The following CFAP299 variants were observed in gnomAD, a reference collection of about 807,000 sequenced individuals.
The protein encoded by CFAP299 is cilia and flagella associated protein 299, also known as cilia- and flagella-associated protein 299.
CFAP299 carries 21 observed loss-of-function variants against 27.0 expected under a neutral mutation model. The observed-to-expected ratio is 0.78, with a 90% CI of 0.55 to 1.12. The LOEUF (loss-of-function observed/expected upper bound fraction) is 1.12, where lower values mean the gene tolerates loss of function less well. Ranked by LOEUF, CFAP299 falls within the 50% of genes most tolerant of loss-of-function variation. The probability of loss-of-function intolerance (pLI) is 0.00; values close to 1 mark genes in which losing one functional copy is unlikely to be tolerated. For missense variants in CFAP299, 310 were observed against 276.6 expected (o/e 1.12, Z -0.86); for synonymous variants, 104 against 98.1 (o/e 1.06, Z -0.36).
At chr4:80,860,393 C>G (rs1732245772) in intron 3 of CFAP299, among the ~76,000 whole-genome samples, 1 of 152,120 alleles carries the variant, frequency 6.6e-6, no homozygotes, top group Non-Finnish European at 1.5e-5. Context: ...TGTCTGAGGC[C>G]TTCTTCTCTC....
chr4:80,598,754 T>G lies in CFAP299; in HGVS notation c.333+15571T>G, dbSNP rs193067818. On this transcript the variant is annotated intron_variant, in intron 3 of 5. Transcript: ENST00000358105. ...GAGGCCTTCCTCCTCTAGGTGACAT[T>G]GCTCCTAACTGCAAATCGTGTTTAA... 2.1e-3 allele frequency among the ~76,000 whole-genome samples: 319 copies of G among 152,298 alleles called. 2 individuals carry two copies. Among genetic ancestry groups the G allele is most frequent in the Non-Finnish European group, 8.1e-4 (55 of 68,008 alleles).
chr4:80,365,208 C>A, intron 2 of CFAP299, among the ~76,000 whole-genome samples: 1 of 152,160 alleles, frequency 6.6e-6, no homozygotes, highest in Non-Finnish European at 1.5e-5. Flanking sequence ...TACACTCCCA[C>A]CAACAGTGTA....
At position 80,403,524 on chromosome 4, in the gene CFAP299, G is replaced by A. The variant is rs1726265298; in HGVS notation, c.242+40640G>A. On this transcript the variant is annotated intron_variant, in intron 2 of 5. Coordinates refer to ENST00000358105, the MANE Select transcript of CFAP299 (RefSeq NM_152770.3). ...CTCCTAACACAGGCCCTTTGCATTT[G>A]CTATTCTTTCTGCTTGAAAAGCTCT... Among the ~76,000 whole-genome samples, 5 of 152,100 alleles carry A rather than the reference G, an allele frequency of 3.3e-5. No homozygotes were observed. The South Asian group carries it at 8.3e-4, about 25-fold the overall frequency.
intron 3 of CFAP299, among the ~76,000 whole-genome samples, chr4:80,848,068 G>A (rs968145261): frequency 6.6e-6 from 1 of 151,966 alleles, no homozygotes; most frequent in Non-Finnish European, 1.5e-5. Flanking sequence ...AAAATTAGCT[G>A]AGTGTGGTGG....
At chr4:80,782,597 A>G (rs1726953981) in intron 3 of CFAP299, among the ~76,000 whole-genome samples, 1 of 129,966 alleles carries the variant, frequency 7.7e-6, no homozygotes, top group Non-Finnish European at 1.7e-5. Context: ...ATATTCATAT[A>G]TAATATACAT....
intron 2 of CFAP299, among the ~76,000 whole-genome samples, chr4:80,378,289 A>G (rs1339020865): frequency 6.6e-6 from 1 of 152,144 alleles, no homozygotes; most frequent in Non-Finnish European, 1.5e-5. Context: ...TTCATCATGC[A>G]ACTTTCTTAA....
intron 3 of CFAP299, among the ~76,000 whole-genome samples, chr4:80,694,240 T>G (rs758982165): frequency 2.6e-5 from 4 of 152,142 alleles, no homozygotes; most frequent in Non-Finnish European, 4.4e-5. Flanking sequence ...CATTTCACCC[T>G]TTGAGGTCAG....
At chr4:80,915,610 C>T (rs1292208888) in intron 4 of CFAP299, among the ~76,000 whole-genome samples, 1 of 151,850 alleles carries the variant, frequency 6.6e-6, no homozygotes, top group South Asian at 2.1e-4. Flanking sequence ...CCCTCTCTAC[C>T]ACTCTCCCAG....
intron 2 of CFAP299, among the ~76,000 whole-genome samples, chr4:80,581,349 A>G (rs1027524932): frequency 6.0e-5 from 9 of 150,676 alleles, no homozygotes; most frequent in Non-Finnish European, 1.2e-4. Context: ...AATTAAAGAA[A>G]TTCTCAAATA....
At chr4:80,327,062 A>T in the CFAP299 span, among the ~76,000 whole-genome samples, 3 of 152,184 alleles carry the variant, frequency 2.0e-5, no homozygotes, top group Admixed American at 6.5e-5. Flanking sequence ...TAGAGTCTGC[A>T]TTCCAACAAA....
intron 2 of CFAP299, among the ~76,000 whole-genome samples, chr4:80,500,982 G>A (rs888769737): frequency 4.6e-5 from 7 of 152,036 alleles, no homozygotes; most frequent in Admixed American, 6.6e-5. Flanking sequence ...TAAACAAAAC[G>A]TGGATAAGTA....
intron 3 of CFAP299, among the ~76,000 whole-genome samples, chr4:80,646,165 A>G (rs1560675176): frequency 6.6e-6 from 1 of 152,206 alleles, no homozygotes; most frequent in Non-Finnish European, 1.5e-5. Context: ...AGTGTCTGTC[A>G]TCTTGCTCTG....
chr4:80,563,459 G>T (rs1601510), intron 2 of CFAP299, among the ~76,000 whole-genome samples: 12,011 of 152,050 alleles, frequency 0.079, 708 homozygotes, highest in East Asian at 0.26. Flanking sequence ...GTTGGTCAAT[G>T]AAGAAATTAA....
intron 2 of CFAP299, among the ~76,000 whole-genome samples, chr4:80,425,866 A>C (rs1389536645): frequency 6.6e-6 from 1 of 152,228 alleles, no homozygotes; most frequent in Non-Finnish European, 1.5e-5. Context: ...AGTCTTGTGT[A>C]AAAATAGCAG....
chr4:80,739,778 ATCTCTTTCTCTCCTC>A (rs1724145024), intron 3 of CFAP299, among the ~76,000 whole-genome samples: 1 of 150,240 alleles, frequency 6.7e-6, no homozygotes, highest in African/African-American at 2.4e-5. Flanking sequence ...TTCTACCCCT[ATCTCTTTCTCTCCTC>A]ATTAAGGCCA....
At chr4:80,609,438 A>T (rs1737850274) in intron 3 of CFAP299, among the ~76,000 whole-genome samples, 1 of 152,042 alleles carries the variant, frequency 6.6e-6, no homozygotes, top group South Asian at 2.1e-4. Context: ...ATATTTTTTG[A>T]AATGTTTCAA....
intron 5 of CFAP299, among the ~76,000 whole-genome samples, chr4:80,947,925 A>G (rs1737558927): frequency 6.6e-6 from 1 of 152,160 alleles, no homozygotes; most frequent in South Asian, 2.1e-4. Flanking sequence ...TTTAATAACT[A>G]CTAATACATA....
intron 3 of CFAP299, among the ~76,000 whole-genome samples, chr4:80,673,413 G>A (rs1008503900): frequency 2.6e-5 from 4 of 152,076 alleles, no homozygotes; most frequent in African/African-American, 7.2e-5. Flanking sequence ...ATTTGCTGAG[G>A]CATGCTTTAC....
intron 3 of CFAP299, among the ~76,000 whole-genome samples, chr4:80,828,096 A>G (rs1046338286): frequency 8.5e-5 from 13 of 152,086 alleles, no homozygotes; most frequent in African/African-American, 3.1e-4. Context: ...GAAAGACAGT[A>G]TTGATAAAAT....
Sources: gnomAD v4.1 joint callset for allele counts (sites outside exome capture counted in the v4.1 genomes callset) on GRCh38, gnomAD v4.1.1 for gene constraint, MANE v1.5 for transcripts, NCBI Gene and HGNC (gene_info 2026-07-23, HGNC 2026-07-21) for gene names.